The following DCLK1 variants were observed in gnomAD, a reference collection of about 807,000 sequenced individuals.
The protein encoded by DCLK1 is doublecortin like kinase 1, also known as serine/threonine-protein kinase DCLK1.
A neutral mutation model predicts 86.2 loss-of-function variants in DCLK1; 16 were observed. The observed-to-expected ratio is 0.19, with a 90% CI of 0.13 to 0.28. The LOEUF (loss-of-function observed/expected upper bound fraction) is 0.28, where lower values mean the gene tolerates loss of function less well. DCLK1 is among the 10% of genes least tolerant of loss of function. DCLK1 has a pLI of 1.00. For missense variants in DCLK1, 590 were observed against 940.2 expected (o/e 0.63, Z 4.87); for synonymous variants, 369 against 370.5 (o/e 1.00, Z 0.05).
chr13:35,787,521 C>T (rs1181948216), intron 16 of DCLK1, among the ~76,000 whole-genome samples: 6 of 152,036 alleles, frequency 3.9e-5, no homozygotes, highest in South Asian at 2.1e-4. Flanking sequence ...TTAAAAAAAT[C>T]GATACCTCCC....
chr13:35,877,546 G>T (rs1872657609), intron 4 of DCLK1, among the ~76,000 whole-genome samples: 1 of 152,158 alleles, frequency 6.6e-6, no homozygotes. Flanking sequence ...TGTTGGCTAG[G>T]GAATACTCTT....
intron 3 of DCLK1, among the ~76,000 whole-genome samples, chr13:36,016,596 G>A (rs919644817): frequency 3.9e-5 from 6 of 152,178 alleles, no homozygotes; most frequent in African/African-American, 9.6e-5. Flanking sequence ...TTCATCTCAC[G>A]AGAGAAGCAT....
At chr13:35,875,087 C>A (rs983383618) in intron 4 of DCLK1, among the ~76,000 whole-genome samples, 1 of 152,136 alleles carries the variant, frequency 6.6e-6, no homozygotes, top group African/African-American at 2.4e-5. Context: ...ACCAGTGAGG[C>A]CTCTTTTTGC....
rs551696537 is a variant in DCLK1 at position 36,093,795 on chromosome 13, C to T, written c.723+18074G>A. Among the ~76,000 whole-genome samples, 52 of 152,088 alleles carry T rather than the reference C, an allele frequency of 3.4e-4. 1 individual carries two copies. The Middle Eastern group carries it at 0.014, about 40-fold the overall frequency. On this transcript the variant is annotated intron_variant, in intron 3 of 16. Coordinates refer to ENST00000360631, the MANE Select transcript of DCLK1 (RefSeq NM_001330071.2). Reference sequence around the variant, plus strand: ...AATAAAATATTTAAAATTAGAAATACATTAATAGAGCTTAGATAGTATTTG... The same window carrying T: ...AATAAAATATTTAAAATTAGAAATATATTAATAGAGCTTAGATAGTATTTG...
intron 16 of DCLK1, among the ~76,000 whole-genome samples, chr13:35,781,799 CT>C (rs2086530448): frequency 6.6e-6 from 1 of 152,200 alleles, no homozygotes; most frequent in African/African-American, 2.4e-5. Context: ...GGAACCCTTT[CT>C]TTTGCTTACC....
At chr13:35,840,954 G>A (rs778955344) in intron 6 of DCLK1, among the ~76,000 whole-genome samples, 130 of 152,338 alleles carry the variant, frequency 8.5e-4, no homozygotes, top group Non-Finnish European at 1.6e-3. Context: ...GAAGGTGTGT[G>A]TTTTCCAGAA....
At chr13:36,123,282 G>A (rs997049193) in intron 2 of DCLK1, among the ~76,000 whole-genome samples, 1 of 152,130 alleles carries the variant, frequency 6.6e-6, no homozygotes, top group Admixed American at 6.5e-5. Flanking sequence ...GAATCTAAAT[G>A]AATTTCCAGC....
At chr13:35,942,738 C>T (rs7321887) in intron 4 of DCLK1, among the ~76,000 whole-genome samples, 2,403 of 152,246 alleles carry the variant, frequency 0.016, 61 homozygotes, top group East Asian at 0.054. Context: ...GTCCAAGGGA[C>T]TTCAAGAGGG....
intron 4 of DCLK1, among the ~76,000 whole-genome samples, chr13:35,919,960 A>G (rs1245683678): frequency 6.6e-6 from 1 of 152,074 alleles, no homozygotes. Flanking sequence ...TGCTTACGAC[A>G]CAGCCGGCAA....
intron 3 of DCLK1, among the ~76,000 whole-genome samples, chr13:35,970,822 T>C (rs901375734): frequency 6.6e-6 from 1 of 152,206 alleles, no homozygotes; most frequent in African/African-American, 2.4e-5. Context: ...TTCACAGATA[T>C]CTTGTGGGGA....
intron 3 of DCLK1, among the ~76,000 whole-genome samples, chr13:36,049,282 G>A (rs1883044927): frequency 6.6e-6 from 1 of 152,110 alleles, no homozygotes; most frequent in African/African-American, 2.4e-5. Flanking sequence ...AGAAACATGA[G>A]CATATTCTGA....
At chr13:35,835,504 A>G (rs1869300989) in intron 8 of DCLK1, among the ~76,000 whole-genome samples, 1 of 152,200 alleles carries the variant, frequency 6.6e-6, no homozygotes, top group African/African-American at 2.4e-5. Flanking sequence ...TTAGGTATCT[A>G]GAACCTCAGG....
At chr13:35,979,606 T>C (rs1217484798) in intron 3 of DCLK1, among the ~76,000 whole-genome samples, 3 of 152,348 alleles carry the variant, frequency 2.0e-5, no homozygotes, top group Non-Finnish European at 2.9e-5. Context: ...TTTTCTTTTT[T>C]ACTTTTAAAA....
At chr13:36,118,192 G>C (rs2057369987) in intron 2 of DCLK1, among the ~76,000 whole-genome samples, 1 of 152,206 alleles carries the variant, frequency 6.6e-6, no homozygotes, top group African/African-American at 2.4e-5. Context: ...GTGATAAACA[G>C]GTTGCACTGG....
chr13:35,886,099 C>T (rs531542715), intron 4 of DCLK1, among the ~76,000 whole-genome samples: 39 of 150,624 alleles, frequency 2.6e-4, no homozygotes, highest in Non-Finnish European at 3.7e-4. Flanking sequence ...GCAACCTCTG[C>T]CTCCCGGGTT....
At chr13:35,807,914 A>G (rs866899912) in intron 14 of DCLK1, among the ~76,000 whole-genome samples, 11 of 152,226 alleles carry the variant, frequency 7.2e-5, no homozygotes, top group Non-Finnish European at 1.3e-4. Context: ...ACCACAGGCC[A>G]TATAGAAATC....
chr13:35,944,686 C>T (rs1877268423), intron 4 of DCLK1, among the ~76,000 whole-genome samples: 1 of 152,030 alleles, frequency 6.6e-6, no homozygotes, highest in Non-Finnish European at 1.5e-5. Flanking sequence ...GACATCGTTA[C>T]TCAGCAAATG....
At chr13:35,861,700 G>A (rs1288591072) in intron 5 of DCLK1, among the ~76,000 whole-genome samples, 1 of 152,054 alleles carries the variant, frequency 6.6e-6, no homozygotes, top group African/African-American at 2.4e-5. Flanking sequence ...TACTCTTACT[G>A]TTCTTCCCTG....
At chr13:36,064,905 TAAACATGATTAAATAATGA>T (rs1257613924) in intron 3 of DCLK1, among the ~76,000 whole-genome samples, 1 of 152,176 alleles carries the variant, frequency 6.6e-6, no homozygotes, top group Admixed American at 6.5e-5. Context: ...TACCTTTTCT[TAAACATGATTAAATAATGA>T]AAGGCAATGG....
Sources: gnomAD v4.1 joint callset for allele counts (sites outside exome capture counted in the v4.1 genomes callset) on GRCh38, gnomAD v4.1.1 for gene constraint, MANE v1.5 for transcripts, NCBI Gene and HGNC (gene_info 2026-07-23, HGNC 2026-07-21) for gene names.